The following MS4A4E variants were observed in gnomAD, a reference collection of about 807,000 sequenced individuals.
The protein encoded by MS4A4E is membrane spanning 4-domains A4E, also known as putative membrane-spanning 4-domains subfamily A member 4E.
Under a neutral mutation model 13.3 loss-of-function variants are expected in MS4A4E, and 23 were observed. That is an observed-to-expected ratio of 1.73 (90% CI 1.25 to 2.45). The LOEUF is 2.45. Ranked by LOEUF, MS4A4E falls within the 30% of genes most tolerant of loss-of-function variation. The pLI is 0.00. For synonymous variants in MS4A4E, 36 were observed against 45.6 expected, an observed-to-expected ratio of 0.79 and a Z score of 0.85; for missense variants, 144 against 131.2, an observed-to-expected ratio of 1.10 and a Z score of -0.48.
At chr11:60,213,803 A>C (rs2084155881) in intron 4 of MS4A4E, among the ~76,000 whole-genome samples, 1 of 152,294 alleles carries the variant, frequency 6.6e-6, no homozygotes, top group South Asian at 2.1e-4. Context: ...GCATCTTGAC[A>C]TGAGAGTTAC....
At chr11:60,228,853 T>G (rs1396006765) in intron 2 of MS4A4E, among the ~76,000 whole-genome samples, 13 of 152,188 alleles carry the variant, frequency 8.5e-5, no homozygotes, top group Non-Finnish European at 1.9e-4. Context: ...CTACCTAATT[T>G]ATAATGTTAA....
rs2084512662 is a variant in MS4A4E at position 60,238,634 on chromosome 11, C to T, written c.-17+4324G>A. On this transcript the variant is annotated intron_variant, in intron 1 of 8. Coordinates refer to ENST00000651255, the MANE Select transcript of MS4A4E (RefSeq NM_001393391.1). ...ATGAACTTTGGGTTTTGTTGATTTA[C>T]TCTAATGTGTTTCTACTCTCTATTA... Among the ~76,000 whole-genome samples the T allele has an allele frequency of 2.0e-5, 3 of 152,100 alleles. No homozygotes were observed. The South Asian group carries it at 6.2e-4, about 31-fold the overall frequency.
chr11:60,203,004 C>T (rs1008844971), intron 8 of MS4A4E, among the ~76,000 whole-genome samples: 9 of 152,010 alleles, frequency 5.9e-5, no homozygotes, highest in Non-Finnish European at 1.2e-4. Flanking sequence ...TGAAAATTAC[C>T]GATTTTCAGG....
intron 5 of MS4A4E, chr11:60,209,022 T>C (rs1299026625): frequency 1.3e-5 from 2 of 156,706 alleles, no homozygotes; most frequent in Non-Finnish European, 2.8e-5. Context: ...GAAACTCATA[T>C]CATTGAAAAA....
At chr11:60,228,374 A>G (rs1565126420) in intron 3 of MS4A4E, among the ~76,000 whole-genome samples, 1 of 152,224 alleles carries the variant, frequency 6.6e-6, no homozygotes, top group Non-Finnish European at 1.5e-5. Context: ...CAGGGAAATG[A>G]AAATTAAAAT....
In MS4A4E at chr11:60,200,944, A is replaced by G. The variant is rs572943050; in HGVS notation, c.*599T>C. On this transcript the variant is annotated 3_prime_UTR_variant, in exon 9 of 9. Coordinates refer to ENST00000651255, the MANE Select transcript of MS4A4E (RefSeq NM_001393391.1). ...GCTGACCCCTCCACCTCCCTCCCGG[A>G]CGGGGCGGCTGGCCGGGTGGGGGGC... is the stretch of plus-strand genomic sequence containing the variant. Among the ~76,000 whole-genome samples, 56 of 140,898 alleles carry G rather than the reference A, an allele frequency of 4.0e-4. No individual in the cohort carries two copies. In the South Asian group the frequency reaches 0.013, roughly 32 times the overall value. 92.4% of individuals were successfully genotyped at this position (140,898 alleles called of 152,430 possible). A position where few individuals can be genotyped will look rare whatever the true frequency, so the allele number is the denominator to read the frequency against.
chr11:60,206,790 G>T, intron 6 of MS4A4E: 1 of 231,294 alleles, frequency 4.3e-6, no homozygotes. Context: ...ACCTCAGAGT[G>T]CCCCTTTCCT....
intron 3 of MS4A4E, among the ~76,000 whole-genome samples, chr11:60,224,629 T>C (rs888555079): frequency 6.6e-6 from 1 of 152,226 alleles, no homozygotes; most frequent in Non-Finnish European, 1.5e-5. Flanking sequence ...ATGAAATCCT[T>C]ACACCACCAA....
intron 1 of MS4A4E, among the ~76,000 whole-genome samples, chr11:60,236,807 G>C (rs2084489338): frequency 6.6e-6 from 1 of 151,580 alleles, no homozygotes; most frequent in African/African-American, 2.4e-5. Flanking sequence ...TGTGATCTCA[G>C]CTCACTACAA....
rs1380884756 is a variant in MS4A4E, at chr11:60,242,875, A to T, written c.-17+83T>A. On this transcript the variant is annotated intron_variant, in intron 1 of 8. Transcript: ENST00000651255. The stretch of plus-strand genomic sequence containing the variant: ...GGAAGTGACCTCATTTTTTTTTCTC[A>T]CTCCACTCCCAGAAATCCTAAACCC... 3.9e-6 allele frequency: 4 copies of T among 1,033,324 alleles called. No homozygotes were observed. The Admixed American group carries it at 8.0e-5, about 21-fold the overall frequency. 64.0% of individuals were successfully genotyped at this position (1,033,324 alleles called of 1,614,324 possible). A position where few individuals can be genotyped will look rare whatever the true frequency, so the allele number is the denominator to read the frequency against.
chr11:60,205,081 T>C (rs1253773053), intron 7 of MS4A4E, among the ~76,000 whole-genome samples, 123 bp from the exon 8 acceptor site: 2 of 152,114 alleles, frequency 1.3e-5, no homozygotes, highest in South Asian at 2.1e-4. Flanking sequence ...AAATCCTATA[T>C]ACTGAGTTGG....
Position 60,224,880 on chromosome 11 carries a change from T to C in MS4A4E, c.178+3714A>G, listed in dbSNP as rs932550885. On this transcript the variant is annotated intron_variant, in intron 3 of 8. Coordinates refer to ENST00000651255, the MANE Select transcript of MS4A4E (RefSeq NM_001393391.1). Reference sequence around the variant, plus strand: ...TTCTCAAATTTACAGAATTACAAGATAGAATTAGAATAAAATTGCAAAGAT... The same window carrying C: ...TTCTCAAATTTACAGAATTACAAGACAGAATTAGAATAAAATTGCAAAGAT... 4.3e-6 allele frequency: 5 copies of C among 1,170,436 alleles called. No individual in the cohort carries two copies. In the African/African-American group the frequency reaches 6.1e-5, roughly 14 times the overall value. 72.5% of individuals were successfully genotyped at this position (1,170,436 alleles called of 1,614,324 possible).
intron 4 of MS4A4E, among the ~76,000 whole-genome samples, chr11:60,214,313 A>G (rs2134931499): frequency 6.6e-6 from 1 of 152,260 alleles, no homozygotes; most frequent in Non-Finnish European, 1.5e-5. Flanking sequence ...GAGTGATCCC[A>G]CTTCATATTT....
chr11:60,212,900 T>C (rs944373909), intron 5 of MS4A4E, among the ~76,000 whole-genome samples, 74 bp downstream of exon 5: 2 of 152,212 alleles, frequency 1.3e-5, no homozygotes, highest in Non-Finnish European at 2.9e-5. Flanking sequence ...ATGATAATTA[T>C]TGTTGTTGCC....
intron 3 of MS4A4E, chr11:60,225,144 A>T: frequency 7.0e-7 from 1 of 1,423,588 alleles, no homozygotes. Context: ...AATGGTGCTT[A>T]TGCCACTCCC....
Position 60,222,203 on chromosome 11 carries a change from T to G in MS4A4E, c.178+6391A>C, listed in dbSNP as rs542617304. Among the ~76,000 whole-genome samples the G allele has an allele frequency of 4.8e-4, 73 of 152,336 alleles. 1 individual carries two copies. The highest frequency in any genetic ancestry group is 2.7e-3 in the Admixed American group (41 of 15,298). On this transcript the variant is annotated intron_variant, in intron 3 of 8. Transcript: ENST00000651255. ...TTTCCTCACCAGAATAGACACTTACTTTGGATATGGGTTTGCCTATCCTGC... is the reference window on the plus strand; with the variant it reads ...TTTCCTCACCAGAATAGACACTTACGTTGGATATGGGTTTGCCTATCCTGC...
intron 1 of MS4A4E, among the ~76,000 whole-genome samples, chr11:60,234,362 C>G (rs2084453175): frequency 1.3e-5 from 2 of 152,100 alleles, no homozygotes; most frequent in African/African-American, 4.8e-5. Context: ...TATGATTTCA[C>G]TGTCCCCTCT....
intron 5 of MS4A4E, among the ~76,000 whole-genome samples, chr11:60,212,658 G>C (rs2084138315): frequency 6.6e-6 from 1 of 152,170 alleles, no homozygotes. Flanking sequence ...GGAGATAACA[G>C]TAGACACTGC....
chr11:60,219,789 C>G (rs1284399277), intron 3 of MS4A4E, among the ~76,000 whole-genome samples: 1 of 152,228 alleles, frequency 6.6e-6, no homozygotes, highest in African/African-American at 2.4e-5. Context: ...CTACTGGACA[C>G]TGACTCTGAG....
Sources: allele counts gnomAD v4.1 joint callset (sites outside exome capture counted in the v4.1 genomes callset), GRCh38; gene constraint gnomAD v4.1.1; transcripts MANE v1.5; gene names NCBI Gene and HGNC (gene_info 2026-07-23, HGNC 2026-07-21).